GABRB1: variants seen among roughly 807,000 people sequenced by gnomAD.
The protein encoded by GABRB1 is gamma-aminobutyric acid type A receptor subunit beta1, also known as gamma-aminobutyric acid receptor subunit beta-1.
Under a neutral mutation model 51.6 loss-of-function variants are expected in GABRB1, and 17 were observed. The ratio of observed to expected loss-of-function variants is 0.33; its 90% CI spans 0.23 to 0.49. The LOEUF (loss-of-function observed/expected upper bound fraction) is 0.49, where lower values mean the gene tolerates loss of function less well. Ranked by LOEUF, GABRB1 falls within the 20% of genes least tolerant of loss-of-function variation. The pLI is 0.99. For synonymous variants in GABRB1, 247 were observed against 218.9 expected (o/e 1.13, Z -1.14); for missense variants, 410 against 600.6 (o/e 0.68, Z 3.32).
At chr4:47,137,316 C>T (rs1256213217) in intron 3 of GABRB1, among the ~76,000 whole-genome samples, 1 of 74,496 alleles carries the variant, frequency 1.3e-5, no homozygotes, top group Admixed American at 1.6e-4. Flanking sequence ...CATGATATCG[C>T]ATGTCAGTCC....
intron 5 of GABRB1, among the ~76,000 whole-genome samples, chr4:47,323,910 T>A (rs1725166958): frequency 6.6e-6 from 1 of 152,186 alleles, no homozygotes; most frequent in African/African-American, 2.4e-5. Context: ...AAGGAGTTAA[T>A]GGCATATACA....
chr4:47,425,743 C>G lies in GABRB1; in HGVS notation c.1150C>G (p.Leu384Val). ...IRNETSGSEV[L>V]TSVSDPKATM... ...GAATGAGACGAGTGGCTCGGAAGTG[C>G]TCACGAGCGTGAGCGACCCCAAGGC... is the stretch of plus-strand genomic sequence containing the variant. The change falls in exon 9 of 9, where the codon CTC (leucine) becomes GTC (valine). Residue 384 changes from leucine to valine, a missense_variant. Coordinates refer to ENST00000295454, the MANE Select transcript of GABRB1 (RefSeq NM_000812.4). The G allele has an allele frequency of 6.2e-7, 1 of 1,614,160 alleles. No individual in the cohort carries two copies. Among genetic ancestry groups the G allele is most frequent in the Non-Finnish European group, 8.5e-7 (1 of 1,179,988 alleles).
At chr4:47,015,445 T>C (rs1358985258) in intron 1 of GABRB1, among the ~76,000 whole-genome samples, 1 of 152,212 alleles carries the variant, frequency 6.6e-6, no homozygotes, top group Non-Finnish European at 1.5e-5. Flanking sequence ...TAGATTATAT[T>C]AGCCTAAATA....
chr4:47,086,142 G>A (rs756285857), intron 3 of GABRB1, among the ~76,000 whole-genome samples: 5 of 152,206 alleles, frequency 3.3e-5, no homozygotes, highest in Admixed American at 6.5e-5. Flanking sequence ...TGTTAAAAGA[G>A]GGAGAGTTCT....
intron 1 of GABRB1, among the ~76,000 whole-genome samples, chr4:47,018,100 C>T (rs1374603445): frequency 6.6e-6 from 1 of 151,434 alleles, no homozygotes; most frequent in Non-Finnish European, 1.5e-5. Context: ...TCTTCCTCCT[C>T]TGCCTCCTCT....
chr4:47,281,980 C>A lies in GABRB1; in HGVS notation c.462-38147C>A, dbSNP rs574307701. 2.2e-3 allele frequency among the ~76,000 whole-genome samples: 335 copies of A among 151,840 alleles called. 2 individuals carry two copies. Among genetic ancestry groups the A allele is most frequent in the African/African-American group, 7.1e-3 (294 of 41,434 alleles). ...CAGTGATTGTAATGCATAGTGATCA[C>A]GGTTAGTATGATGTATTATGTATTA... On this transcript the variant is annotated intron_variant, in intron 4 of 8. Coordinates refer to ENST00000295454, the MANE Select transcript of GABRB1 (RefSeq NM_000812.4).
At chr4:47,389,220 A>G (rs750970153) in intron 5 of GABRB1, among the ~76,000 whole-genome samples, 11 of 152,166 alleles carry the variant, frequency 7.2e-5, no homozygotes, top group Admixed American at 5.2e-4. Flanking sequence ...CCTAAGTTTC[A>G]TTATCCCCTT....
At position 47,330,984 on chromosome 4, in the gene GABRB1, C is replaced by T. The variant is rs1204886076; in HGVS notation, c.544+10775C>T. ...ACCAGCATCTACAACATGCTGCACACTTTCTATTCATGGATGCAAAACACC... is the reference window on the plus strand; with the variant it reads ...ACCAGCATCTACAACATGCTGCACATTTTCTATTCATGGATGCAAAACACC... On this transcript the variant is annotated intron_variant, in intron 5 of 8. Coordinates refer to ENST00000295454, the MANE Select transcript of GABRB1 (RefSeq NM_000812.4). 2.0e-5 allele frequency among the ~76,000 whole-genome samples: 3 copies of T among 152,102 alleles called. No individual in the cohort carries two copies. The East Asian group carries it at 5.8e-4, about 29-fold the overall frequency.
chr4:47,189,097 G>A (rs1169819604), intron 4 of GABRB1, among the ~76,000 whole-genome samples: 1 of 151,894 alleles, frequency 6.6e-6, no homozygotes, highest in African/African-American at 2.4e-5. Context: ...GGTCTTCCAA[G>A]GAAGATTAAG....
intron 5 of GABRB1, among the ~76,000 whole-genome samples, chr4:47,351,472 A>G (rs958728463): frequency 6.6e-6 from 1 of 151,974 alleles, no homozygotes; most frequent in Non-Finnish European, 1.5e-5. Flanking sequence ...AGTTAGTTAC[A>G]TATGTGTACA....
At chr4:47,307,088 C>T (rs940448963) in intron 4 of GABRB1, among the ~76,000 whole-genome samples, 1 of 151,998 alleles carries the variant, frequency 6.6e-6, no homozygotes, top group Non-Finnish European at 1.5e-5. Context: ...CCTAATTTTC[C>T]CAAAGGGACA....
At chr4:47,013,596 T>A (rs1937523168) in intron 1 of GABRB1, among the ~76,000 whole-genome samples, 1 of 152,214 alleles carries the variant, frequency 6.6e-6, no homozygotes, top group Non-Finnish European at 1.5e-5. Context: ...ATTATTTAGG[T>A]TTAAGATATT....
chr4:47,153,664 A>G (rs1213834941), intron 3 of GABRB1, among the ~76,000 whole-genome samples: 2 of 152,028 alleles, frequency 1.3e-5, no homozygotes, highest in African/African-American at 4.8e-5. Flanking sequence ...TGCCCCATGT[A>G]TTAAAATGTG....
intron 5 of GABRB1, among the ~76,000 whole-genome samples, chr4:47,343,359 T>C (rs1373872549): frequency 2.0e-5 from 3 of 152,148 alleles, no homozygotes; most frequent in Admixed American, 6.5e-5. Flanking sequence ...GTTTGTGACT[T>C]CAAAATGCAG....
chr4:47,403,430 G>T lies in GABRB1; in HGVS notation c.657G>T (p.Val219=). ...TTTCAATTGTTGACTACAAGATGGT[G>T]TCTAAGAAGGTGGAGTTCACAACAG... ...PQFSIVDYKM[V]SKKVEFTTGA... Residue 219 remains valine (V), a synonymous_variant, in exon 6 of 9, where the codon GTG becomes GTT. Transcript: ENST00000295454. 6.2e-7 allele frequency: 1 copy of T among 1,614,054 alleles called. No homozygotes were observed. Among genetic ancestry groups the T allele is most frequent in the Non-Finnish European group, 8.5e-7 (1 of 1,179,936 alleles).
intron 3 of GABRB1, among the ~76,000 whole-genome samples, chr4:47,091,678 C>T (rs550975694): frequency 6.6e-6 from 1 of 152,304 alleles, no homozygotes; most frequent in Admixed American, 6.5e-5. Context: ...CATCTGCACT[C>T]CCCCAATCCT....
At chr4:47,284,842 C>T (rs1723447446) in intron 4 of GABRB1, among the ~76,000 whole-genome samples, 2 of 152,088 alleles carry the variant, frequency 1.3e-5, no homozygotes, top group Non-Finnish European at 1.5e-5. Context: ...CAAAATAAAA[C>T]TTAAATCCTA....
intron 8 of GABRB1, among the ~76,000 whole-genome samples, chr4:47,422,851 C>T (rs1729134633): frequency 6.6e-6 from 1 of 152,212 alleles, no homozygotes; most frequent in Non-Finnish European, 1.5e-5. Flanking sequence ...ACAATATAAT[C>T]TTTCAGCCTA....
chr4:47,243,551 C>G (rs529790577), intron 4 of GABRB1, among the ~76,000 whole-genome samples: 9 of 152,300 alleles, frequency 5.9e-5, no homozygotes, highest in Admixed American at 1.3e-4. Flanking sequence ...TTTGTGTCCT[C>G]TTTTATTTCG....
Sources: allele counts gnomAD v4.1 joint callset (sites outside exome capture counted in the v4.1 genomes callset), GRCh38; gene constraint gnomAD v4.1.1; transcripts MANE v1.5; gene names NCBI Gene and HGNC (gene_info 2026-07-23, HGNC 2026-07-21).